The following DARS1 variants were observed in gnomAD, a reference collection of about 807,000 sequenced individuals.
The protein encoded by DARS1 is aspartyl-tRNA synthetase 1.
A neutral mutation model predicts 68.8 loss-of-function variants in DARS1; 51 were observed. That is an observed-to-expected ratio of 0.74 (90% CI 0.59 to 0.94). The LOEUF (loss-of-function observed/expected upper bound fraction) is 0.94. DARS1 is among the 40% of genes least tolerant of loss of function. The pLI, the probability that DARS1 is intolerant of heterozygous loss-of-function variation, is 0.00. For missense variants in DARS1, 607 were observed against 597.3 expected (o/e 1.02, Z -0.17); for synonymous variants, 203 against 190.4 (o/e 1.07, Z -0.55).
At chr2:135,909,794 A>G (rs1680859461) in intron 15 of DARS1, among the ~76,000 whole-genome samples, 1 of 152,208 alleles carries the variant, frequency 6.6e-6, no homozygotes, top group African/African-American at 2.4e-5. Flanking sequence ...CATTGTATAG[A>G]TAAAATAGGT....
chr2:135,940,411 CAT>C (rs1388927466), intron 5 of DARS1, among the ~76,000 whole-genome samples: 3 of 152,198 alleles, frequency 2.0e-5, no homozygotes, highest in East Asian at 1.9e-4. Context: ...ACAAAAACCA[CAT>C]GATTATCTCA....
Position 135,911,147 on chromosome 2 carries a change from C to A in DARS1, c.1406G>T (p.Gly469Val). The A allele has an allele frequency of 7.0e-7, 1 of 1,434,278 alleles. No homozygotes were observed. The highest frequency in any genetic ancestry group is 9.8e-7 in the Non-Finnish European group (1 of 1,016,500). The allele number at this position is 1,434,278 out of a possible 1,614,324, so 88.8% of individuals were successfully genotyped here. A position where few individuals can be genotyped will look rare whatever the true frequency, so the allele number is the denominator to read the frequency against. Residue 469 changes from glycine to valine, a missense_variant, in exon 15 of 16, where the codon GGA (glycine) becomes GTA (valine). Transcript: ENST00000264161. ...CAATAACAGAATATTACCAATGCCT[C>A]CACCAGCATGAGGAGGGGCTCCAAA... The part of the protein sequence containing the change: ...FRFGAPPHAG[G>V]GIGLERVTML...
At chr2:135,975,082 C>T (rs528847392) in intron 3 of DARS1, among the ~76,000 whole-genome samples, 4 of 152,102 alleles carry the variant, frequency 2.6e-5, no homozygotes, top group South Asian at 2.1e-4. Context: ...TAGTGGCTCA[C>T]GCCTGTAATC....
At chr2:135,940,243 C>T (rs528754066) in intron 5 of DARS1, among the ~76,000 whole-genome samples, 14 of 152,226 alleles carry the variant, frequency 9.2e-5, no homozygotes, top group East Asian at 1.9e-4. Flanking sequence ...TGATGAACAT[C>T]GATGCAAAAA....
rs573499892 is a variant in DARS1 at position 135,917,791 on chromosome 2, C to T, written c.960-1419G>A. 2.8e-4 allele frequency among the ~76,000 whole-genome samples: 42 copies of T among 151,982 alleles called. 1 individual carries two copies. Among genetic ancestry groups the T allele is most frequent in the South Asian group, 6.2e-4 (3 of 4,812 alleles). ...ATGCCCGGCCTAGAATTTATATTCT[C>T]GAAATTAAAACACTATCATTTCTTG... On this transcript the variant is annotated intron_variant, in intron 10 of 15. Transcript: ENST00000264161.
chr2:135,920,506 A>C lies in DARS1; in HGVS notation c.906T>G (p.Val302=). ...EMAFNYHYHE[V]MEEIADTMVQ... ...CCATGGTGTCAGCAATTTCTTCCAT[A>C]ACTTCGTGGTAATGGTAATTAAAAG... is the stretch of plus-strand genomic sequence containing the variant. The change falls in exon 10 of 16, where the codon GTT becomes GTG. Residue 302 remains valine (V), a synonymous_variant. Transcript: ENST00000264161. 1 of 1,613,746 alleles carries C rather than the reference A, an allele frequency of 6.2e-7. No homozygotes were observed. The highest frequency in any genetic ancestry group is 8.5e-7 in the Non-Finnish European group (1 of 1,179,856).
chr2:135,925,092 TG>T (rs1681185511), intron 7 of DARS1, among the ~76,000 whole-genome samples: 1 of 151,942 alleles, frequency 6.6e-6, no homozygotes, highest in Admixed American at 6.6e-5. Flanking sequence ...GCAGCACAGT[TG>T]CCTGTTCTTT....
Position 135,911,476 on chromosome 2 carries a change from G to C in DARS1, c.1248C>G (p.Tyr416Ter), listed in dbSNP as rs201526164. 2 of 989,434 alleles carry C rather than the reference G, an allele frequency of 2.0e-6. No individual in the cohort carries two copies. The highest frequency in any genetic ancestry group is 2.4e-5 in the East Asian group (1 of 42,106). 61.3% of individuals were successfully genotyped at this position (989,434 alleles called of 1,614,324 possible). A position where few individuals can be genotyped will look rare whatever the true frequency, so the allele number is the denominator to read the frequency against. ...TTTCTTCTCCTCTCATGAACATATC[G>C]TAAGAGTTGGACTGTTTCTGCAAGA... ...DPRNPKQSNS[Y>*]DMFMRGEEIL... Residue 416 changes from tyrosine (Y) to a stop codon, truncating the protein, a stop_gained, in exon 14 of 16, where the codon TAC (tyrosine) becomes TAG (stop). Coordinates refer to ENST00000264161, the MANE Select transcript of DARS1 (RefSeq NM_001349.4). LOFTEE classifies it high-confidence loss of function.
At chr2:135,977,355 T>C (rs901685889) in intron 3 of DARS1, among the ~76,000 whole-genome samples, 1 of 152,202 alleles carries the variant, frequency 6.6e-6, no homozygotes, top group African/African-American at 2.4e-5. Flanking sequence ...AAAGGTCTTA[T>C]TCATAACCAC....
rs781754425 is a variant in DARS1, at chr2:135,961,388, T to C, written c.320+8A>G. On this transcript the variant is annotated splice_region_variant and intron_variant, in intron 4 of 15. Coordinates refer to ENST00000264161, the MANE Select transcript of DARS1 (RefSeq NM_001349.4). ...TATTCTGACAACAGGATATAATTGCTTACTTACTTGGCAGCAAATTTAACC... is the reference window on the plus strand; with the variant it reads ...TATTCTGACAACAGGATATAATTGCCTACTTACTTGGCAGCAAATTTAACC... The C allele has an allele frequency of 4.0e-5, 47 of 1,174,844 alleles. No homozygotes were observed. In the Admixed American group the frequency reaches 7.9e-4, roughly 20 times the overall value. The allele number at this position is 1,174,844 out of a possible 1,614,324, so 72.8% of individuals were successfully genotyped here. A position where few individuals can be genotyped will look rare whatever the true frequency, so the allele number is the denominator to read the frequency against.
chr2:135,945,267 A>G (rs1435626900), intron 4 of DARS1, among the ~76,000 whole-genome samples: 2 of 151,980 alleles, frequency 1.3e-5, no homozygotes, highest in East Asian at 3.9e-4. Context: ...AGCTGGGATT[A>G]CAGGCATGTG....
At position 135,974,573 on chromosome 2, in the gene DARS1, TAA is replaced by T. The variant is rs141249739; in HGVS notation, c.217+4699_217+4700del. Among the ~76,000 whole-genome samples, 1,310 of 152,334 alleles carry T rather than the reference TAA, an allele frequency of 8.6e-3. 16 individuals carry two copies. Among genetic ancestry groups the T allele is most frequent in the African/African-American group, 0.028 (1,156 of 41,582 alleles). On this transcript the variant is annotated intron_variant, in intron 3 of 15. Coordinates refer to ENST00000264161, the MANE Select transcript of DARS1 (RefSeq NM_001349.4). ...GGGAAACTACTTTTAATCTACTTTT[TAA>T]AACTTTGCCATTTATTTTCTAATGA...
At chr2:135,912,935 A>T (rs1045227525) in intron 12 of DARS1, among the ~76,000 whole-genome samples, 1 of 152,056 alleles carries the variant, frequency 6.6e-6, no homozygotes, top group African/African-American at 2.4e-5. Flanking sequence ...ATGTTTGCCC[A>T]GGCTGGTCTT....
At chr2:135,920,023 G>A (rs1681082607) in intron 10 of DARS1, among the ~76,000 whole-genome samples, 1 of 152,186 alleles carries the variant, frequency 6.6e-6, no homozygotes, top group Non-Finnish European at 1.5e-5. Flanking sequence ...GGCCCACACA[G>A]AGAAGGAGCA....
At chr2:135,977,962 G>C (rs1575409173) in intron 3 of DARS1, among the ~76,000 whole-genome samples, 2 of 151,970 alleles carry the variant, frequency 1.3e-5, no homozygotes, top group African/African-American at 4.8e-5. Flanking sequence ...GGCCAACATG[G>C]TGAAACTCTG....
intron 3 of DARS1, among the ~76,000 whole-genome samples, chr2:135,962,311 C>T (rs944571719): frequency 6.6e-6 from 1 of 152,100 alleles, no homozygotes; most frequent in Non-Finnish European, 1.5e-5. Context: ...CCTTTTTCCT[C>T]CAAAGCAGAT....
intron 4 of DARS1, among the ~76,000 whole-genome samples, chr2:135,953,692 C>T (rs899144710): frequency 1.1e-4 from 16 of 152,242 alleles, no homozygotes; most frequent in African/African-American, 3.4e-4. Flanking sequence ...TTCCAACTCC[C>T]TGTCCCTCCC....
At chr2:135,965,455 C>T (rs1284561431) in intron 3 of DARS1, among the ~76,000 whole-genome samples, 3 of 151,564 alleles carry the variant, frequency 2.0e-5, no homozygotes, top group East Asian at 3.9e-4. Context: ...AAGTAAATAC[C>T]GTATAAGGAA....
intron 12 of DARS1, 49 bp from the exon 13 acceptor site, chr2:135,912,615 G>A (rs1453946068): frequency 2.8e-6 from 2 of 704,494 alleles, no homozygotes; most frequent in Admixed American, 2.6e-5. Context: ...AAAGTAAAAT[G>A]GCTAACATTT....
Sources: gnomAD v4.1 joint callset for allele counts (sites outside exome capture counted in the v4.1 genomes callset) on GRCh38, gnomAD v4.1.1 for gene constraint, MANE v1.5 for transcripts, NCBI Gene and HGNC (gene_info 2026-07-23, HGNC 2026-07-21) for gene names.